UGT3A1: variants seen among roughly 807,000 people sequenced by gnomAD.
UGT3A1 encodes the protein UDP-glycosyltransferase 3A1.
A neutral mutation model predicts 37.6 loss-of-function variants in UGT3A1; 40 were observed. The observed-to-expected ratio is 1.06, with a 90% CI of 0.83 to 1.38. The LOEUF (loss-of-function observed/expected upper bound fraction) is 1.38, where lower values mean the gene tolerates loss of function less well. Ranked by LOEUF, UGT3A1 falls within the 40% of genes most tolerant of loss-of-function variation. The pLI is 0.00. For synonymous variants in UGT3A1, 256 were observed against 232.3 expected, an observed-to-expected ratio of 1.10 and a Z score of -0.93; for missense variants, 642 against 634.2, an observed-to-expected ratio of 1.01 and a Z score of -0.13.
At chr5:35,990,395 C>G (rs1156328081) in intron 1 of UGT3A1, among the ~76,000 whole-genome samples, 1 of 152,038 alleles carries the variant, frequency 6.6e-6, no homozygotes, top group Non-Finnish European at 1.5e-5. Flanking sequence ...TGGGGAAGAT[C>G]GATCCTGGGA....
intron 4 of UGT3A1, among the ~76,000 whole-genome samples, chr5:35,959,700 T>C (rs926496082): frequency 2.6e-5 from 4 of 152,086 alleles, no homozygotes; most frequent in Admixed American, 2.0e-4. Flanking sequence ...TGGATCAATA[T>C]GTGCACTACG....
intron 2 of UGT3A1, among the ~76,000 whole-genome samples, chr5:35,975,201 G>A (rs1416810972): frequency 2.0e-5 from 3 of 152,172 alleles, no homozygotes; most frequent in Non-Finnish European, 1.5e-5. Context: ...CATGGTAGCA[G>A]GGATGGAGTT....
At chr5:35,988,378 C>A in intron 2 of UGT3A1, 72 bp downstream of exon 2, 2 of 1,116,674 alleles carry the variant, frequency 1.8e-6, no homozygotes, top group South Asian at 1.6e-5. Context: ...TACTATGCAG[C>A]TGTATAAAAA....
At chr5:35,992,862 A>C (rs1333368664), upstream of UGT3A1, among the ~76,000 whole-genome samples, 3 of 152,146 alleles carry the variant, frequency 2.0e-5, no homozygotes, top group Non-Finnish European at 4.4e-5. Context: ...CATTTGACCA[A>C]AGGGAAAAGT....
intron 2 of UGT3A1, among the ~76,000 whole-genome samples, chr5:35,980,185 G>A (rs1178814439): frequency 6.6e-6 from 1 of 152,114 alleles, no homozygotes; most frequent in Non-Finnish European, 1.5e-5. Flanking sequence ...TGAAGAAAAG[G>A]AAGTTCAATC....
chr5:35,964,693 T>C (rs1323154835), intron 4 of UGT3A1, among the ~76,000 whole-genome samples: 1 of 152,124 alleles, frequency 6.6e-6, no homozygotes, highest in Non-Finnish European at 1.5e-5. Flanking sequence ...GTCAAGATAC[T>C]AAATATAATA....
At chr5:35,981,660 A>G (rs1219837953) in intron 2 of UGT3A1, among the ~76,000 whole-genome samples, 1 of 152,266 alleles carries the variant, frequency 6.6e-6, no homozygotes, top group African/African-American at 2.4e-5. Context: ...ACTGGGAAAT[A>G]TAGCATAAAC....
chr5:35,986,280 A>C (rs995676131), intron 2 of UGT3A1, among the ~76,000 whole-genome samples: 1 of 152,152 alleles, frequency 6.6e-6, no homozygotes, highest in Admixed American at 6.5e-5. Flanking sequence ...CAAAAAACTA[A>C]AGACAGAACT....
At chr5:35,955,601 T>A in intron 6 of UGT3A1, 44 bp downstream of exon 6, 3 of 1,604,742 alleles carry the variant, frequency 1.9e-6, no homozygotes, top group Non-Finnish European at 2.6e-6. Flanking sequence ...GTGTTTTCTA[T>A]CTTCATTCAG....
upstream of UGT3A1, chr5:35,991,534 T>C: frequency 8.6e-7 from 1 of 1,160,968 alleles, no homozygotes; most frequent in Non-Finnish European, 1.1e-6. Context: ...TAATCACAGC[T>C]GTCCTATCTG....
At chr5:35,959,594 T>A (rs977087309) in intron 4 of UGT3A1, among the ~76,000 whole-genome samples, 1 of 151,468 alleles carries the variant, frequency 6.6e-6, no homozygotes, top group Non-Finnish European at 1.5e-5. Flanking sequence ...AAATAATCAG[T>A]GAACTTGAAG....
At chr5:35,994,026 T>C (rs1580970330), upstream of UGT3A1, among the ~76,000 whole-genome samples, 1 of 152,316 alleles carries the variant, frequency 6.6e-6, no homozygotes, top group African/African-American at 2.4e-5. Context: ...CTGAGGTTTA[T>C]TTGCTGTTTA....
At chr5:35,995,192 T>G (rs1342264861), upstream of UGT3A1, among the ~76,000 whole-genome samples, 1 of 152,162 alleles carries the variant, frequency 6.6e-6, no homozygotes, top group Non-Finnish European at 1.5e-5. Context: ...TACCCTGACC[T>G]CTCTGAACTT....
intron 2 of UGT3A1, among the ~76,000 whole-genome samples, chr5:35,972,071 G>A (rs1740064279): frequency 6.7e-6 from 1 of 148,362 alleles, no homozygotes; most frequent in Non-Finnish European, 1.5e-5. Context: ...CAAGTCCAGA[G>A]CTGTCGTTCA....
chr5:35,953,983 T>G lies in UGT3A1; in HGVS notation c.*219A>C. 3.8e-6 allele frequency: 2 copies of G among 523,436 alleles called. No homozygotes were observed. The allele number at this position is 523,436 out of a possible 1,614,324, so 32.4% of individuals were successfully genotyped here. ...AGGAGGCAGGGCTGGCAGGTGAAAA[T>G]TTGTATCTGAGCTGGGGTTTCAAGT... On this transcript the variant is annotated 3_prime_UTR_variant, in exon 7 of 7. Transcript: ENST00000274278.
At chr5:35,969,395 A>G (rs1580933905) in intron 2 of UGT3A1, among the ~76,000 whole-genome samples, 1 of 152,332 alleles carries the variant, frequency 6.6e-6, no homozygotes, top group Non-Finnish European at 1.5e-5. Flanking sequence ...ATTACCAGAA[A>G]GAAGGTCTCT....
chr5:35,952,944 C>T lies in UGT3A1; in HGVS notation c.*1258G>A, dbSNP rs1739225051. ...GGGGCATTCTCTATTTCTGCAGGAGCATTTGTAACAGTTTCATCTTTTGAT... is the reference window on the plus strand; with the variant it reads ...GGGGCATTCTCTATTTCTGCAGGAGTATTTGTAACAGTTTCATCTTTTGAT... On this transcript the variant is annotated 3_prime_UTR_variant, in exon 7 of 7. Transcript: ENST00000274278. The T allele has an allele frequency of 6.6e-6, 1 of 152,176 alleles. No homozygotes were observed. The highest frequency in any genetic ancestry group is 1.5e-5 in the Non-Finnish European group (1 of 68,040). 9.4% of individuals were successfully genotyped at this position (152,176 alleles called of 1,614,324 possible).
chr5:35,958,874 A>C (rs1296030405), intron 4 of UGT3A1, among the ~76,000 whole-genome samples: 1 of 152,204 alleles, frequency 6.6e-6, no homozygotes, highest in African/African-American at 2.4e-5. Context: ...TGTCTCACCT[A>C]ATTCAGAGCT....
chr5:35,958,683 GA>G (rs527303907), intron 4 of UGT3A1, among the ~76,000 whole-genome samples: 216 of 152,304 alleles, frequency 1.4e-3, no homozygotes, highest in Admixed American at 5.7e-3. Flanking sequence ...GCCCAATCAA[GA>G]AAAAGCCACT....
Sources: gnomAD v4.1 joint callset for allele counts (sites outside exome capture counted in the v4.1 genomes callset) on GRCh38, gnomAD v4.1.1 for gene constraint, MANE v1.5 for transcripts, NCBI Gene and HGNC (gene_info 2026-07-23, HGNC 2026-07-21) for gene names.